Variants in WDR70 observed in about 807,000 individuals in gnomAD.
WDR70 encodes WD repeat-containing protein 70.
In WDR70, 53 loss-of-function variants were observed where a neutral mutation model predicts 88.6. The ratio of observed to expected loss-of-function variants is 0.60; its 90% CI spans 0.48 to 0.75. The LOEUF is 0.75. WDR70 is among the 30% of genes least tolerant of loss of function. The pLI is 0.00. For synonymous variants in WDR70, 280 were observed against 270.0 expected (o/e 1.04, Z -0.36); for missense variants, 610 against 823.2 (o/e 0.74, Z 3.17).
chr5:37,713,215 G>T (rs528700973), intron 13 of WDR70, among the ~76,000 whole-genome samples: 3 of 152,134 alleles, frequency 2.0e-5, no homozygotes, highest in African/African-American at 7.2e-5. Context: ...GGCCAATCAC[G>T]TGCTGCCTTA....
At chr5:37,697,229 A>G (rs1311161878) in intron 10 of WDR70, among the ~76,000 whole-genome samples, 1 of 152,210 alleles carries the variant, frequency 6.6e-6, no homozygotes, top group African/African-American at 2.4e-5. Context: ...AGTGTATGGC[A>G]TATCCTAGGA....
chr5:37,615,712 C>G (rs1396215747), intron 10 of WDR70, among the ~76,000 whole-genome samples: 1 of 152,204 alleles, frequency 6.6e-6, no homozygotes, highest in Non-Finnish European at 1.5e-5. Flanking sequence ...TCAATATACC[C>G]AAAACACAAC....
At chr5:37,478,222 G>A (rs563527288) in intron 7 of WDR70, among the ~76,000 whole-genome samples, 3 of 152,242 alleles carry the variant, frequency 2.0e-5, no homozygotes, top group East Asian at 3.9e-4. Flanking sequence ...AACAGCTATC[G>A]AATTCCTAGT....
At chr5:37,595,130 A>C (rs1332442867) in intron 9 of WDR70, among the ~76,000 whole-genome samples, 7 of 152,228 alleles carry the variant, frequency 4.6e-5, no homozygotes, top group Admixed American at 2.0e-4. Context: ...AATACGCTTT[A>C]TTTCTTTCTC....
At chr5:37,395,717 CAG>C (rs1170301043) in intron 4 of WDR70, among the ~76,000 whole-genome samples, 1 of 152,158 alleles carries the variant, frequency 6.6e-6, no homozygotes, top group Non-Finnish European at 1.5e-5. Flanking sequence ...CTGGATATCT[CAG>C]TGGTTTTTGT....
chr5:37,572,076 C>G (rs1220767397), intron 9 of WDR70, among the ~76,000 whole-genome samples: 1 of 152,086 alleles, frequency 6.6e-6, no homozygotes, highest in Non-Finnish European at 1.5e-5. Context: ...AAATAAATTG[C>G]TGAGCTGAGG....
intron 6 of WDR70, among the ~76,000 whole-genome samples, chr5:37,440,015 A>G (rs929981553): frequency 1.3e-5 from 2 of 152,114 alleles, no homozygotes; most frequent in African/African-American, 4.8e-5. Context: ...ATTTAATCTA[A>G]TATCTCATTA....
intron 6 of WDR70, 86 bp from the exon 7 acceptor site, chr5:37,443,153 G>T: frequency 1.4e-6 from 2 of 1,425,198 alleles, no homozygotes; most frequent in East Asian, 2.5e-5. Flanking sequence ...AACATAGGGG[G>T]TGGGATTAAA....
chr5:37,701,292 ATTTTT>A, intron 12 of WDR70, 150 bp downstream of exon 12: 1 of 547,944 alleles, frequency 1.8e-6, no homozygotes, highest in South Asian at 2.9e-5. Context: ...AAAAATATGT[ATTTTT>A]TTTATTTTTC....
chr5:37,528,908 G>T (rs114180750), intron 9 of WDR70, among the ~76,000 whole-genome samples: 77,844 of 136,900 alleles, frequency 0.57, 22,103 homozygotes, highest in Admixed American at 0.65. Flanking sequence ...TCTAGAGGGG[G>T]TTTTTTTTTT....
At chr5:37,584,222 G>A (rs1743299830) in intron 9 of WDR70, among the ~76,000 whole-genome samples, 1 of 152,220 alleles carries the variant, frequency 6.6e-6, no homozygotes, top group Non-Finnish European at 1.5e-5. Flanking sequence ...GTACTTAAAT[G>A]TTAGCGATCA....
intron 5 of WDR70, among the ~76,000 whole-genome samples, chr5:37,417,277 G>A (rs537307257): frequency 1.2e-4 from 18 of 152,182 alleles, no homozygotes; most frequent in African/African-American, 4.1e-4. Context: ...AGACTAGAGT[G>A]CAGTGGCATG....
At chr5:37,744,450 G>A (rs1426222958) in intron 17 of WDR70, among the ~76,000 whole-genome samples, 1 of 152,040 alleles carries the variant, frequency 6.6e-6, no homozygotes, top group African/African-American at 2.4e-5. Flanking sequence ...GACAGAGGTA[G>A]GCTTCAGAAA....
intron 9 of WDR70, among the ~76,000 whole-genome samples, chr5:37,538,657 A>G (rs1741732715): frequency 6.6e-6 from 1 of 152,206 alleles, no homozygotes; most frequent in Admixed American, 6.5e-5. Flanking sequence ...CAGGAGTTTC[A>G]GTATAAAACA....
intron 9 of WDR70, among the ~76,000 whole-genome samples, chr5:37,558,208 A>G (rs1168676789): frequency 6.6e-6 from 1 of 152,114 alleles, no homozygotes; most frequent in Non-Finnish European, 1.5e-5. Flanking sequence ...AGGAATACTG[A>G]TATGATGTAA....
intron 8 of WDR70, among the ~76,000 whole-genome samples, chr5:37,487,319 AACT>A (rs1240366891): frequency 1.3e-5 from 2 of 152,022 alleles, no homozygotes; most frequent in Non-Finnish European, 2.9e-5. Flanking sequence ...TTGGTAATTC[AACT>A]ACTATTACTT....
chr5:37,557,688 T>C (rs1330367894), intron 9 of WDR70, among the ~76,000 whole-genome samples: 1 of 151,978 alleles, frequency 6.6e-6, no homozygotes, highest in African/African-American at 2.4e-5. Context: ...TGCTGAGTTT[T>C]TGGTAACTAG....
At chr5:37,564,361 CA>C (rs982345764) in intron 9 of WDR70, among the ~76,000 whole-genome samples, 10 of 152,096 alleles carry the variant, frequency 6.6e-5, no homozygotes, top group Admixed American at 3.3e-4. Flanking sequence ...CCGTCTCCAC[CA>C]AAAAAAATAC....
chr5:37,384,576 C>T lies in WDR70; in HGVS notation c.175+2891C>T, dbSNP rs544460177. On this transcript the variant is annotated intron_variant, in intron 3 of 17. Coordinates refer to ENST00000265107, the MANE Select transcript of WDR70 (RefSeq NM_018034.4). ...TTGGGAGGCTGAGGCAGGAGAATGGCGTGAACCCTGGAGGCAGAGCTTGCA... is the reference window on the plus strand; with the variant it reads ...TTGGGAGGCTGAGGCAGGAGAATGGTGTGAACCCTGGAGGCAGAGCTTGCA... Among the ~76,000 whole-genome samples, 49 of 140,322 alleles carry T rather than the reference C, an allele frequency of 3.5e-4. 1 individual carries two copies. The East Asian group carries it at 9.7e-3, about 28-fold the overall frequency. The allele number at this position is 140,322 out of a possible 152,430, so 92.1% of individuals were successfully genotyped here.
Sources: gnomAD v4.1 joint callset for allele counts (sites outside exome capture counted in the v4.1 genomes callset) on GRCh38, gnomAD v4.1.1 for gene constraint, MANE v1.5 for transcripts, NCBI Gene and HGNC (gene_info 2026-07-23, HGNC 2026-07-21) for gene names.